Variants in MTUS2 observed in about 807,000 individuals in gnomAD.
MTUS2 encodes microtubule-associated tumor suppressor candidate 2.
Under a neutral mutation model 114.1 loss-of-function variants are expected in MTUS2, and 40 were observed. That is an observed-to-expected ratio of 0.35 (90% CI 0.27 to 0.46). The LOEUF (loss-of-function observed/expected upper bound fraction) is 0.46, where lower values mean the gene tolerates loss of function less well. MTUS2 is among the 20% of genes least tolerant of loss of function. The pLI is 1.00. For missense variants in MTUS2, 1,679 were observed against 1,705.4 expected (o/e 0.98, Z 0.27); for synonymous variants, 688 against 672.0 (o/e 1.02, Z -0.37).
chr13:29,482,656 G>T (rs1881282994), intron 10 of MTUS2, among the ~76,000 whole-genome samples: 1 of 152,242 alleles, frequency 6.6e-6, no homozygotes, highest in South Asian at 2.1e-4. Flanking sequence ...CATTGAGGAA[G>T]CTTCGAGATA....
In MTUS2 at chr13:29,497,297, C is replaced by T. The variant is rs760822363; in HGVS notation, c.3639C>T (p.Phe1213=). The stretch of plus-strand genomic sequence containing the variant: ...CTCTGCGGGACAGAGCCCGCCGCTT[C>T]GAAGAGGCCTTGAGGAAGAACACAG... ...SQSLRDRARR[F]EEALRKNTEE... Residue 1213 remains phenylalanine (F), a synonymous_variant, in exon 13 of 16, where the codon TTC becomes TTT. Coordinates refer to ENST00000612955, the MANE Select transcript of MTUS2 (RefSeq NM_001033602.4). The T allele has an allele frequency of 5.0e-6, 8 of 1,611,986 alleles. No individual in the cohort carries two copies. Among genetic ancestry groups the T allele is most frequent in the South Asian group, 3.3e-5 (3 of 90,974 alleles).
intron 2 of MTUS2, among the ~76,000 whole-genome samples, chr13:28,903,056 G>T (rs1327070785): frequency 6.6e-6 from 1 of 152,006 alleles, no homozygotes; most frequent in Admixed American, 6.6e-5. Context: ...GTAATTTGCG[G>T]TTTTTGAGAA....
chr13:28,938,696 T>C (rs1346392986), intron 2 of MTUS2, among the ~76,000 whole-genome samples: 2 of 152,120 alleles, frequency 1.3e-5, no homozygotes, highest in Admixed American at 6.5e-5. Flanking sequence ...ATTGGAGAAA[T>C]TGAGATTCAC....
At chr13:29,497,570 A>G in intron 13 of MTUS2, 1 of 557,114 alleles carries the variant, frequency 1.8e-6, no homozygotes, top group Non-Finnish European at 3.2e-6. Context: ...CAAATTCCAC[A>G]GCATTCCCCA....
chr13:28,907,800 A>C (rs941318750), intron 2 of MTUS2, among the ~76,000 whole-genome samples: 31 of 151,658 alleles, frequency 2.0e-4, no homozygotes, highest in African/African-American at 6.6e-4. Flanking sequence ...ACACAATAAT[A>C]ATGGGAGACT....
chr13:29,380,193 G>A (rs1872095774), intron 8 of MTUS2, among the ~76,000 whole-genome samples: 2 of 152,116 alleles, frequency 1.3e-5, no homozygotes, highest in South Asian at 4.2e-4. Context: ...GGGTGGTCCA[G>A]TCACTCAGTT....
intron 5 of MTUS2, 81 bp from the exon 6 acceptor site, chr13:29,281,623 G>T: frequency 7.0e-7 from 1 of 1,428,092 alleles, no homozygotes; most frequent in Non-Finnish European, 9.6e-7. Flanking sequence ...ACGGCAGTAG[G>T]ATTGGTTGGC....
intron 5 of MTUS2, among the ~76,000 whole-genome samples, chr13:29,155,024 C>T (rs907846350): frequency 1.1e-4 from 16 of 152,204 alleles, no homozygotes; most frequent in Admixed American, 6.5e-5. Context: ...TGAGAGCAAC[C>T]TGAGCTCATA....
chr13:29,362,396 C>T (rs1870335313), intron 8 of MTUS2, among the ~76,000 whole-genome samples: 1 of 152,172 alleles, frequency 6.6e-6, no homozygotes, highest in African/African-American at 2.4e-5. Context: ...AAGGTGAAAA[C>T]ACAGTCAAAG....
intron 8 of MTUS2, among the ~76,000 whole-genome samples, chr13:29,437,015 T>C (rs1433940838): frequency 1.3e-5 from 2 of 152,168 alleles, no homozygotes; most frequent in Admixed American, 1.3e-4. Context: ...GTCCCTCTCA[T>C]AGGGCCTTCC....
At chr13:29,373,265 G>A (rs561429344) in intron 8 of MTUS2, among the ~76,000 whole-genome samples, 9 of 152,164 alleles carry the variant, frequency 5.9e-5, no homozygotes, top group Non-Finnish European at 1.3e-4. Context: ...AAACTGTAAG[G>A]GAAGGAAACT....
intron 4 of MTUS2, among the ~76,000 whole-genome samples, chr13:29,066,139 G>T (rs1482545152): frequency 6.6e-6 from 1 of 152,020 alleles, no homozygotes; most frequent in African/African-American, 2.4e-5. Context: ...TCCTCCTTTG[G>T]GTCTCAACAT....
intron 2 of MTUS2, among the ~76,000 whole-genome samples, chr13:28,984,916 A>G (rs747438197): frequency 1.3e-5 from 2 of 152,236 alleles, no homozygotes; most frequent in Non-Finnish European, 2.9e-5. Context: ...ATGAGTTATA[A>G]AAACAACCTC....
intron 2 of MTUS2, among the ~76,000 whole-genome samples, chr13:28,991,437 T>C (rs921894544): frequency 5.3e-5 from 8 of 151,470 alleles, no homozygotes; most frequent in Non-Finnish European, 8.8e-5. Context: ...GGTGCGATCT[T>C]GGCTCACTGC....
At chr13:29,113,212 G>A (rs963097880) in intron 5 of MTUS2, among the ~76,000 whole-genome samples, 6 of 152,120 alleles carry the variant, frequency 3.9e-5, no homozygotes, top group Non-Finnish European at 7.3e-5. Flanking sequence ...GGAAGCAGAG[G>A]TGCTGGTTGA....
intron 2 of MTUS2, among the ~76,000 whole-genome samples, chr13:28,905,096 A>G (rs1268535937): frequency 2.0e-5 from 3 of 151,600 alleles, no homozygotes; most frequent in Non-Finnish European, 4.4e-5. Context: ...ATTTTTGTAC[A>G]TTGATTTTGT....
chr13:28,968,559 G>A (rs964055553), intron 2 of MTUS2, among the ~76,000 whole-genome samples: 1 of 151,890 alleles, frequency 6.6e-6, no homozygotes, highest in African/African-American at 2.4e-5. Flanking sequence ...CAACTTAACA[G>A]GTTAGAACTT....
At chr13:29,260,635 A>T (rs756015970) in intron 5 of MTUS2, among the ~76,000 whole-genome samples, 12 of 152,248 alleles carry the variant, frequency 7.9e-5, no homozygotes, top group Non-Finnish European at 1.3e-4. Context: ...CTGAACAACA[A>T]AATGAGTGAA....
At chr13:28,846,478 T>C (rs1402164516) in intron 2 of MTUS2, among the ~76,000 whole-genome samples, 2 of 152,076 alleles carry the variant, frequency 1.3e-5, no homozygotes, top group Non-Finnish European at 2.9e-5. Context: ...GCTGTGTGTG[T>C]CTTTTAAATG....
Sources: gnomAD v4.1 joint callset for allele counts (sites outside exome capture counted in the v4.1 genomes callset) on GRCh38, gnomAD v4.1.1 for gene constraint, MANE v1.5 for transcripts, NCBI Gene and HGNC (gene_info 2026-07-23, HGNC 2026-07-21) for gene names.